The following SHISA6 variants were observed in gnomAD, a reference collection of about 807,000 sequenced individuals.
SHISA6 encodes protein shisa-6.
Under a neutral mutation model 47.9 loss-of-function variants are expected in SHISA6, and 22 were observed. That is an observed-to-expected ratio of 0.46 (90% CI 0.33 to 0.66). The LOEUF is 0.66. Among genes scored for constraint, SHISA6 ranks in the 30% least tolerant of loss-of-function variants. The pLI is 0.02. For synonymous variants in SHISA6, 388 were observed against 337.8 expected, an observed-to-expected ratio of 1.15 and a Z score of -1.63; for missense variants, 680 against 764.6, an observed-to-expected ratio of 0.89 and a Z score of 1.30.
chr17:11,499,685 T>TTCTTTCTTTCTTTC (rs963768883), intron 3 of SHISA6, among the ~76,000 whole-genome samples: 10 of 89,924 alleles, frequency 1.1e-4, no homozygotes, highest in African/African-American at 2.5e-4. Context: ...TTTTCTTTCT[T>TTCTTTCTTTCTTTC]TTTTTTTTTT....
intron 1 of SHISA6, among the ~76,000 whole-genome samples, chr17:11,245,859 C>G (rs959040911): frequency 1.3e-5 from 2 of 152,074 alleles, no homozygotes; most frequent in African/African-American, 4.8e-5. Context: ...TTGCTTATTT[C>G]TAGAAGAAGT....
rs148446009 is a variant in SHISA6 at position 11,408,441 on chromosome 17, G to A, written c.895+28932G>A. Among the ~76,000 whole-genome samples the A allele has an allele frequency of 1.3e-3, 202 of 152,260 alleles. 2 individuals carry two copies. The highest frequency in any genetic ancestry group is 4.5e-3 in the African/African-American group (186 of 41,550). On this transcript the variant is annotated intron_variant, in intron 3 of 5. Coordinates refer to ENST00000441885, the MANE Select transcript of SHISA6 (RefSeq NM_207386.4). ...TATGCCCTCCAGGTGATTCTGATGT[G>A]TGCCAAAGTTTGAGAACCACTGTCA...
chr17:11,401,551 G>T (rs1913773353), intron 3 of SHISA6, among the ~76,000 whole-genome samples: 1 of 152,314 alleles, frequency 6.6e-6, no homozygotes, highest in South Asian at 2.1e-4. Context: ...TTTTATGAGA[G>T]AGTTCGGAAG....
At chr17:11,409,040 G>A (rs59720742) in intron 3 of SHISA6, among the ~76,000 whole-genome samples, 6,147 of 152,002 alleles carry the variant, frequency 0.04, 397 homozygotes, top group African/African-American at 0.14. Flanking sequence ...AGATCAAAAC[G>A]TTAAAAAACT....
chr17:11,436,225 G>A (rs1230915806), intron 3 of SHISA6, among the ~76,000 whole-genome samples: 2 of 152,180 alleles, frequency 1.3e-5, no homozygotes, highest in Non-Finnish European at 2.9e-5. Flanking sequence ...CAAGATGGCA[G>A]TCTATACAGG....
At chr17:11,489,984 T>C (rs1429030763) in intron 3 of SHISA6, among the ~76,000 whole-genome samples, 2 of 152,184 alleles carry the variant, frequency 1.3e-5, no homozygotes, top group African/African-American at 4.8e-5. Flanking sequence ...TTTCCATCCA[T>C]AGCTCCTAAT....
At chr17:11,514,324 A>G (rs17701156) in intron 3 of SHISA6, among the ~76,000 whole-genome samples, 9,288 of 152,120 alleles carry the variant, frequency 0.061, 308 homozygotes, top group Middle Eastern at 0.099. Flanking sequence ...AGGACTTCCT[A>G]TGTTTCAAGT....
chr17:11,358,639 G>A (rs544379925), intron 2 of SHISA6, among the ~76,000 whole-genome samples: 46 of 149,772 alleles, frequency 3.1e-4, no homozygotes, highest in Non-Finnish European at 4.9e-4. Flanking sequence ...GATTACAGAC[G>A]TGAGCCACCG....
intron 3 of SHISA6, among the ~76,000 whole-genome samples, chr17:11,542,139 T>C (rs1342351498): frequency 1.3e-5 from 2 of 152,148 alleles, no homozygotes; most frequent in Non-Finnish European, 2.9e-5. Flanking sequence ...ACAGAGGTTC[T>C]ACCTGGGTGG....
chr17:11,358,902 T>C (rs1338225063), intron 2 of SHISA6, among the ~76,000 whole-genome samples: 1 of 151,936 alleles, frequency 6.6e-6, no homozygotes, highest in Non-Finnish European at 1.5e-5. Flanking sequence ...CAAAGCAATC[T>C]GCCCACCTTG....
intron 3 of SHISA6, among the ~76,000 whole-genome samples, chr17:11,509,582 C>T (rs765990175): frequency 6.6e-6 from 1 of 152,180 alleles, no homozygotes; most frequent in Non-Finnish European, 1.5e-5. Context: ...GCAGCCTTGA[C>T]CTCCGAACCA....
chr17:11,473,011 CTTG>C (rs1020342439), intron 3 of SHISA6, among the ~76,000 whole-genome samples: 21 of 152,148 alleles, frequency 1.4e-4, no homozygotes, highest in African/African-American at 2.9e-4. Flanking sequence ...AGGTTGTTTT[CTTG>C]TTGTTGAGTT....
chr17:11,286,262 T>C lies in SHISA6; in HGVS notation c.799+22736T>C, dbSNP rs148655688. Among the ~76,000 whole-genome samples, 675 of 152,288 alleles carry C rather than the reference T, an allele frequency of 4.4e-3. 7 individuals are homozygous for C. The highest frequency in any genetic ancestry group is 0.015 in the African/African-American group (643 of 41,550). ...TAGAGCATATCTGTGTGTCCTTCCC[T>C]ACTGAAGATTCAGGAACAGATTCAA... is the stretch of plus-strand genomic sequence containing the variant. On this transcript the variant is annotated intron_variant, in intron 2 of 5. Transcript: ENST00000441885.
chr17:11,459,680 A>G (rs1158479362), intron 3 of SHISA6, among the ~76,000 whole-genome samples: 1 of 152,214 alleles, frequency 6.6e-6, no homozygotes, highest in East Asian at 1.9e-4. Flanking sequence ...CAGTTGAGCA[A>G]GCTGGTGATA....
chr17:11,305,819 C>T (rs1043813067), intron 2 of SHISA6, among the ~76,000 whole-genome samples: 3 of 152,114 alleles, frequency 2.0e-5, no homozygotes, highest in African/African-American at 4.8e-5. Flanking sequence ...TGTCTCGGAG[C>T]GGAGGCCAAC....
chr17:11,372,720 G>A (rs1912667899), intron 2 of SHISA6, among the ~76,000 whole-genome samples: 1 of 151,976 alleles, frequency 6.6e-6, no homozygotes, highest in African/African-American at 2.4e-5. Flanking sequence ...GTGTGTCACT[G>A]GGGTATAATA....
At chr17:11,332,283 C>T (rs1490144544) in intron 2 of SHISA6, among the ~76,000 whole-genome samples, 1 of 151,972 alleles carries the variant, frequency 6.6e-6, no homozygotes, top group African/African-American at 2.4e-5. Context: ...GTTTACCTTC[C>T]TCAGCTGGGT....
At chr17:11,546,357 CAG>C (rs1567635683) in intron 3 of SHISA6, among the ~76,000 whole-genome samples, 1 of 152,114 alleles carries the variant, frequency 6.6e-6, no homozygotes, top group Non-Finnish European at 1.5e-5. Context: ...ACAACTATAG[CAG>C]AGAGGAGAAG....
intron 2 of SHISA6, among the ~76,000 whole-genome samples, chr17:11,377,365 CTT>C (rs1269087286): frequency 1.3e-5 from 2 of 152,138 alleles, no homozygotes; most frequent in African/African-American, 4.8e-5. Context: ...AAGGAGGTAA[CTT>C]ATTCCAGAAG....
Sources: allele counts gnomAD v4.1 joint callset (sites outside exome capture counted in the v4.1 genomes callset), GRCh38; gene constraint gnomAD v4.1.1; transcripts MANE v1.5; gene names NCBI Gene and HGNC (gene_info 2026-07-23, HGNC 2026-07-21).